Variants in PCDH15 observed in about 807,000 individuals in gnomAD.
PCDH15 encodes protocadherin related 15.
PCDH15 carries 129 observed loss-of-function variants against 178.5 expected under a neutral mutation model. The observed-to-expected ratio is 0.72, with a 90% CI of 0.63 to 0.84. The LOEUF (loss-of-function observed/expected upper bound fraction) is 0.84, where lower values mean the gene tolerates loss of function less well. PCDH15 is among the 40% of genes least tolerant of loss of function. The pLI is 0.00. For synonymous variants in PCDH15, 800 were observed against 732.0 expected (o/e 1.09, Z -1.50); for missense variants, 2,230 against 2,099.9 (o/e 1.06, Z -1.21).
chr10:53,880,366 G>A (rs2080617305), intron 26 of PCDH15, among the ~76,000 whole-genome samples: 1 of 152,132 alleles, frequency 6.6e-6, no homozygotes, highest in Non-Finnish European at 1.5e-5. Context: ...CAGGGTTCAC[G>A]AAGCAAACTT....
rs151295340 is a variant in PCDH15, at chr10:54,235,655, A to G, written c.985+1168T>C. Reference sequence around the variant, plus strand: ...AGAGTGCCTTAAATATTGTATTTTAATTTATCTTTTACGTTGTTTTAATGT... The same window carrying G: ...AGAGTGCCTTAAATATTGTATTTTAGTTTATCTTTTACGTTGTTTTAATGT... On this transcript the variant is annotated intron_variant, in intron 9 of 37. Coordinates refer to ENST00000644397, the MANE Select transcript of PCDH15 (RefSeq NM_001384140.1). 8.5e-3 allele frequency among the ~76,000 whole-genome samples: 1,292 copies of G among 152,178 alleles called. 25 individuals are homozygous for G. The highest frequency in any genetic ancestry group is 0.03 in the African/African-American group (1,247 of 41,496).
chr10:54,996,629 A>C (rs544540354), intron 2 of PCDH15, among the ~76,000 whole-genome samples: 2 of 152,234 alleles, frequency 1.3e-5, no homozygotes, highest in Non-Finnish European at 2.9e-5. Flanking sequence ...GAAGGTCTTT[A>C]AATGGTACTG....
At chr10:54,142,594 G>T (rs1440215458) in intron 14 of PCDH15, among the ~76,000 whole-genome samples, 9 of 152,136 alleles carry the variant, frequency 5.9e-5, no homozygotes, top group Non-Finnish European at 1.2e-4. Flanking sequence ...GGGCCTATGT[G>T]TCAGAATAAC....
chr10:53,803,914 A>G lies in PCDH15; in HGVS notation c.*2665T>C, dbSNP rs1841013131. ...CACCTTCCTAGGAAAAATAACAACCAATTTCTTTATAAATATTTACATTGA... is the reference window on the plus strand; with the variant it reads ...CACCTTCCTAGGAAAAATAACAACCGATTTCTTTATAAATATTTACATTGA... On this transcript the variant is annotated 3_prime_UTR_variant, in exon 38 of 38. Transcript: ENST00000644397. 6.6e-6 allele frequency: 1 copy of G among 151,916 alleles called. No individual in the cohort carries two copies. Among genetic ancestry groups the G allele is most frequent in the East Asian group, 1.9e-4 (1 of 5,192 alleles). The allele number at this position is 151,916 out of a possible 1,614,324, so 9.4% of individuals were successfully genotyped here. A position where few individuals can be genotyped will look rare whatever the true frequency, so the allele number is the denominator to read the frequency against.
rs1433568928 is a variant in PCDH15, at chr10:55,582,614, A to AT, written c.-156+45010dup. Among the ~76,000 whole-genome samples the AT allele has an allele frequency of 3.7e-3, 325 of 88,446 alleles. 11 individuals carry two copies. The highest frequency in any genetic ancestry group is 5.3e-3 in the Non-Finnish European group (261 of 49,132). The allele number at this position is 88,446 out of a possible 152,430, so 58.0% of individuals were successfully genotyped here. On this transcript the variant is annotated intron_variant, in intron 2 of 5. Coordinates refer to the PCDH15 transcript ENST00000613346. ...TGTATGTGTATATATATATATATAT[A>AT]TATATATATATATATTTTTTTTTTT...
chr10:54,287,067 A>G (rs186739441), intron 8 of PCDH15, among the ~76,000 whole-genome samples: 16 of 152,358 alleles, frequency 1.1e-4, no homozygotes, highest in Admixed American at 8.5e-4. Context: ...TAAGTTATAC[A>G]TTAAATATAT....
At chr10:54,559,850 TA>T (rs80250003) in intron 2 of PCDH15, among the ~76,000 whole-genome samples, 40 of 73,096 alleles carry the variant, frequency 5.5e-4, no homozygotes, top group African/African-American at 9.8e-4. Flanking sequence ...TGTCTTATAG[TA>T]AAAAAAAAAA....
rs76748353 is a variant in PCDH15 at position 55,006,508 on chromosome 10, C to A, written c.-79-109008G>T. ...AAGCTAAAAGGTAGAAGGAACATTG[C>A]ATTAAGAGTCAAGAGAAATTATATT... On this transcript the variant is annotated intron_variant, in intron 2 of 5. Coordinates refer to the PCDH15 transcript ENST00000458638. Among the ~76,000 whole-genome samples, 610 of 152,252 alleles carry A rather than the reference C, an allele frequency of 4.0e-3. 1 individual carries two copies. The highest frequency in any genetic ancestry group is 0.034 in the East Asian group (178 of 5,170).
intron 8 of PCDH15, among the ~76,000 whole-genome samples, chr10:54,314,387 T>C (rs2061104715): frequency 6.6e-6 from 1 of 152,088 alleles, no homozygotes; most frequent in Admixed American, 6.6e-5. Context: ...ACCCACCCTC[T>C]TGTAGAAATT....
intron 13 of PCDH15, among the ~76,000 whole-genome samples, chr10:54,175,374 T>C (rs907488883): frequency 3.9e-5 from 6 of 152,198 alleles, no homozygotes; most frequent in African/African-American, 1.4e-4. Context: ...TTATATGTTA[T>C]GTACGTGTCC....
intron 10 of PCDH15, among the ~76,000 whole-genome samples, chr10:54,207,367 TG>T (rs2050911563): frequency 7.3e-5 from 2 of 27,290 alleles, no homozygotes; most frequent in African/African-American, 5.3e-4. Context: ...TTTTGTTTTG[TG>T]TGTGTGTGTA....
At chr10:54,012,506 T>G (rs1415446568) in intron 20 of PCDH15, among the ~76,000 whole-genome samples, 1 of 152,038 alleles carries the variant, frequency 6.6e-6, no homozygotes, top group East Asian at 1.9e-4. Flanking sequence ...TCTTTCATTC[T>G]TTTTAAAATG....
intron 2 of PCDH15, among the ~76,000 whole-genome samples, chr10:55,102,710 A>T (rs1842600691): frequency 6.6e-6 from 1 of 152,070 alleles, no homozygotes; most frequent in Admixed American, 6.6e-5. Context: ...CAGAGTTGAA[A>T]ATCTATGTAT....
At chr10:55,210,478 T>C (rs1840529850) in intron 1 of PCDH15, among the ~76,000 whole-genome samples, 1 of 151,720 alleles carries the variant, frequency 6.6e-6, no homozygotes, top group African/African-American at 2.4e-5. Flanking sequence ...AAAGGAAGCA[T>C]AGACATCTGG....
intron 16 of PCDH15, among the ~76,000 whole-genome samples, chr10:54,086,332 A>T (rs1294022911): frequency 6.6e-6 from 1 of 152,040 alleles, no homozygotes; most frequent in Non-Finnish European, 1.5e-5. Flanking sequence ...CTCATTCATT[A>T]CCTCTGGTAA....
chr10:54,427,271 T>G, intron 3 of PCDH15, among the ~76,000 whole-genome samples: 1 of 93,410 alleles, frequency 1.1e-5, no homozygotes, highest in African/African-American at 5.6e-5. Context: ...TTTTTCTGGT[T>G]TTTTTTTTTT....
chr10:55,621,394 C>T (rs1330326302), intron 2 of PCDH15, among the ~76,000 whole-genome samples: 1 of 151,960 alleles, frequency 6.6e-6, no homozygotes, highest in Non-Finnish European at 1.5e-5. Flanking sequence ...GTCCCCGCAC[C>T]CCAGAGCAGG....
intron 2 of PCDH15, among the ~76,000 whole-genome samples, chr10:54,644,132 T>C (rs923146180): frequency 2.0e-5 from 3 of 150,594 alleles, no homozygotes; most frequent in African/African-American, 7.3e-5. Context: ...TCCATGTCCC[T>C]ACAAAGGACA....
intron 8 of PCDH15, among the ~76,000 whole-genome samples, chr10:54,250,569 C>T (rs1278927402): frequency 6.6e-6 from 1 of 152,062 alleles, no homozygotes; most frequent in African/African-American, 2.4e-5. Flanking sequence ...AGGCCTGAGC[C>T]ACCGCGCCCG....
Sources: gnomAD v4.1 joint callset for allele counts (sites outside exome capture counted in the v4.1 genomes callset) on GRCh38, gnomAD v4.1.1 for gene constraint, MANE v1.5 for transcripts, NCBI Gene and HGNC (gene_info 2026-07-23, HGNC 2026-07-21) for gene names.